NLRP4: variants seen among roughly 807,000 people sequenced by gnomAD.
NLRP4 encodes the protein NACHT, LRR and PYD domains-containing protein 4.
A neutral mutation model predicts 84.7 loss-of-function variants in NLRP4; 44 were observed. The ratio of observed to expected loss-of-function variants is 0.52; its 90% CI spans 0.41 to 0.67. The LOEUF is 0.67. NLRP4 is among the 30% of genes least tolerant of loss of function. The pLI is 0.00. For synonymous variants in NLRP4, 544 were observed against 476.4 expected, an observed-to-expected ratio of 1.14 and a Z score of -1.85; for missense variants, 1,260 against 1,219.4, an observed-to-expected ratio of 1.03 and a Z score of -0.50.
At chr19:55,870,400 G>T (rs145542325) in intron 6 of NLRP4, among the ~76,000 whole-genome samples, 3 of 152,158 alleles carry the variant, frequency 2.0e-5, no homozygotes, top group Admixed American at 2.0e-4. Context: ...GGTGGCTCAC[G>T]CCTTGTAATC....
At chr19:55,877,551 G>A (rs1245291134) in intron 8 of NLRP4, among the ~76,000 whole-genome samples, 1 of 152,158 alleles carries the variant, frequency 6.6e-6, no homozygotes, top group Non-Finnish European at 1.5e-5. Flanking sequence ...CATGGCATCT[G>A]TATCAGTTTG....
rs1225985191 is a variant in NLRP4 at position 55,844,529 on chromosome 19, GC to G, written c.-65-7485del. On this transcript the variant is annotated intron_variant, in intron 1 of 9. Transcript: ENST00000301295. ...GACCTCAGGTGATCCGCCCACCTTG[GC>G]CTCCCAAAGTGCTGGGATTACAGGT... Among the ~76,000 whole-genome samples the G allele has an allele frequency of 2.6e-5, 4 of 152,190 alleles. No homozygotes were observed. The East Asian group carries it at 7.7e-4, about 29-fold the overall frequency.
Position 55,869,518 on chromosome 19 carries a change from C to T in NLRP4, c.2355-1309C>T, listed in dbSNP as rs372584981. ...TGTCTGTCAACAGGAAGCAGTTGCC[C>T]GTTCTGTCCTAGCCTGTTGGATTTC... On this transcript the variant is annotated intron_variant, in intron 6 of 9. Transcript: ENST00000301295. Among the ~76,000 whole-genome samples, 32 of 152,256 alleles carry T rather than the reference C, an allele frequency of 2.1e-4. No homozygotes were observed. The South Asian group carries it at 2.5e-3, about 12-fold the overall frequency.
At chr19:55,878,715 C>T in intron 8 of NLRP4, 79 bp from the exon 9 acceptor site, 4 of 1,302,160 alleles carry the variant, frequency 3.1e-6, no homozygotes, top group South Asian at 2.9e-5. Flanking sequence ...TGTGCCTCAA[C>T]TAGACGTCTA....
chr19:55,851,027 G>T (rs1477458536), intron 1 of NLRP4, among the ~76,000 whole-genome samples: 4 of 108,682 alleles, frequency 3.7e-5, no homozygotes, highest in African/African-American at 1.1e-4. Flanking sequence ...GCGGTGTAAT[G>T]TCCGAGGCTG....
chr19:55,853,268 C>T (rs146286848), intron 2 of NLRP4, among the ~76,000 whole-genome samples: 3 of 152,308 alleles, frequency 2.0e-5, no homozygotes, highest in Non-Finnish European at 2.9e-5. Context: ...TGTTTTCATC[C>T]TGATTGGGAT....
intron 1 of NLRP4, among the ~76,000 whole-genome samples, chr19:55,837,775 C>G (rs1288735837): frequency 6.6e-6 from 1 of 152,114 alleles, no homozygotes; most frequent in Non-Finnish European, 1.5e-5. Flanking sequence ...GTGGCTCATG[C>G]CTGTAACACC....
chr19:55,846,094 G>C (rs1600220041), intron 1 of NLRP4, among the ~76,000 whole-genome samples: 1 of 152,104 alleles, frequency 6.6e-6, no homozygotes, highest in Non-Finnish European at 1.5e-5. Flanking sequence ...GAAGTCCTTG[G>C]CCATGCCTAT....
chr19:55,858,147 A>G lies in NLRP4; in HGVS notation c.754A>G (p.Met252Val), dbSNP rs140020888. ...CGATTCGGATCTGTGTGGTGACTTG[A>G]TGGAGAAACGGCCGGTGCAGGTGCT... ...EPDSDLCGDL[M>V]EKRPVQVLLS... is the part of the protein sequence containing the mutation. The change falls in exon 3 of 10, where the codon ATG (methionine) becomes GTG (valine). Residue 252 changes from methionine to valine, a missense_variant. This residue lies in a region of NLRP4 where 712 missense variants were observed against 669.2 expected (regional missense o/e 1.06). Coordinates refer to ENST00000301295, the MANE Select transcript of NLRP4 (RefSeq NM_134444.5). The surrounding 1 kb of genome is among the most constrained non-coding windows in gnomAD (Gnocchi z 4.2). 134 of 1,614,008 alleles carry G rather than the reference A, an allele frequency of 8.3e-5. No individual in the cohort carries two copies. Among genetic ancestry groups the G allele is most frequent in the Non-Finnish European group, 1.0e-4 (122 of 1,180,026 alleles).
In NLRP4 at chr19:55,850,603, T is replaced by C. The variant is rs1486738542; in HGVS notation, c.-65-1413T>C. 4.0e-4 allele frequency among the ~76,000 whole-genome samples: 39 copies of C among 98,686 alleles called. 1 individual carries two copies. The highest frequency in any genetic ancestry group is 5.5e-4 in the Non-Finnish European group (30 of 54,110). The allele number at this position is 98,686 out of a possible 152,430, so 64.7% of individuals were successfully genotyped here. ...CGGTGTAATTTCCGTGGCTGCGGTG[T>C]AATTTACGAGGCTGCGGTGTAATGT... is the stretch of plus-strand genomic sequence containing the variant. On this transcript the variant is annotated intron_variant, in intron 1 of 9. Coordinates refer to ENST00000301295, the MANE Select transcript of NLRP4 (RefSeq NM_134444.5).
chr19:55,851,288 TCCGTGGCTGCGGTG>T, intron 1 of NLRP4, among the ~76,000 whole-genome samples: 1 of 48,984 alleles, frequency 2.0e-5, no homozygotes, highest in Non-Finnish European at 3.2e-5. Flanking sequence ...CGGTGTAATG[TCCGTGGCTGCGGTG>T]TAATGTCCGA....
intron 2 of NLRP4, among the ~76,000 whole-genome samples, chr19:55,855,494 C>T (rs1328983298): frequency 6.6e-6 from 1 of 152,202 alleles, no homozygotes; most frequent in East Asian, 1.9e-4. Context: ...TCACCAATGT[C>T]AGATGGCATT....
At position 55,869,181 on chromosome 19, in the gene NLRP4, C is replaced by T. The variant is rs118098311; in HGVS notation, c.2354+1305C>T. Among the ~76,000 whole-genome samples the T allele has an allele frequency of 1.6e-3, 238 of 151,888 alleles. 3 individuals carry two copies. Among genetic ancestry groups the T allele is most frequent in the Non-Finnish European group, 2.0e-3 (136 of 67,952 alleles). Reference sequence around the variant, plus strand: ...TAGACTCTGTGAGTTGGTGAAACCCCGTCTCTACTAAAAATACAAAATACA... The same window carrying T: ...TAGACTCTGTGAGTTGGTGAAACCCTGTCTCTACTAAAAATACAAAATACA... On this transcript the variant is annotated intron_variant, in intron 6 of 9. Transcript: ENST00000301295.
chr19:55,847,114 A>T (rs949523704), intron 1 of NLRP4, among the ~76,000 whole-genome samples: 4 of 151,422 alleles, frequency 2.6e-5, no homozygotes, highest in African/African-American at 9.8e-5. Flanking sequence ...ATGCTATTAA[A>T]TTTTTTTTAA....
chr19:55,851,673 A>T (rs969278996), intron 1 of NLRP4, among the ~76,000 whole-genome samples: 129 of 93,580 alleles, frequency 1.4e-3, no homozygotes, highest in Middle Eastern at 7.4e-3. Context: ...GTAATGTCCG[A>T]GGCTGCGGTG....
chr19:55,862,195 T>TC (rs1321683739), intron 5 of NLRP4, 36 bp downstream of exon 5: 1 of 1,438,928 alleles, frequency 6.9e-7, no homozygotes, highest in Non-Finnish European at 9.7e-7. Flanking sequence ...TGATTGGGTT[T>TC]CAGAGAAGAC....
chr19:55,845,080 G>T (rs2122999101), intron 1 of NLRP4, among the ~76,000 whole-genome samples: 1 of 151,774 alleles, frequency 6.6e-6, no homozygotes, highest in East Asian at 1.9e-4. Flanking sequence ...CAACGTGCAG[G>T]TTTGTTACAT....
Position 55,870,863 on chromosome 19 carries a change from A to C in NLRP4, c.2391A>C (p.Glu797Asp). 2 of 1,614,166 alleles carry C rather than the reference A, an allele frequency of 1.2e-6. No homozygotes were observed. The highest frequency in any genetic ancestry group is 1.7e-6 in the Non-Finnish European group (2 of 1,179,990). The part of the protein sequence containing the change: ...AFCHLSEQCC[E>D]YISEMLLRNK... ...GCCACCTCAGCGAGCAGTGCTGCGAATACATCTCTGAAATGCTTCTGCGTA... is the reference window on the plus strand; with the variant it reads ...GCCACCTCAGCGAGCAGTGCTGCGACTACATCTCTGAAATGCTTCTGCGTA... The change falls in exon 7 of 10, where the codon GAA becomes GAC. Residue 797 changes from glutamate to aspartate, a missense_variant. By Grantham distance (45) the Glu-to-Asp change is conservative. This residue lies in a region of NLRP4 where 544 missense variants were observed against 531.7 expected (regional missense o/e 1.02). Transcript: ENST00000301295.
chr19:55,865,754 G>A (rs989162719), intron 5 of NLRP4, among the ~76,000 whole-genome samples: 1 of 152,044 alleles, frequency 6.6e-6, no homozygotes, highest in Non-Finnish European at 1.5e-5. Flanking sequence ...CAACACCTTT[G>A]CACATTTTTA....
Sources: allele counts gnomAD v4.1 joint callset (sites outside exome capture counted in the v4.1 genomes callset), GRCh38; gene constraint gnomAD v4.1.1; regional missense constraint gnomAD v4.1.1; non-coding constraint Gnocchi (gnomAD v3.1); transcripts MANE v1.5; gene names NCBI Gene and HGNC (gene_info 2026-07-23, HGNC 2026-07-21).